ZNF236: variants seen among roughly 807,000 people sequenced by gnomAD.
ZNF236 encodes the protein regulated by glucose.
A neutral mutation model predicts 191.2 loss-of-function variants in ZNF236; 50 were observed. The observed-to-expected ratio is 0.26, with a 90% CI of 0.21 to 0.33. ZNF236 has a LOEUF of 0.33. Ranked by LOEUF, ZNF236 falls within the 10% of genes least tolerant of loss-of-function variation. The pLI, the probability that ZNF236 is intolerant of heterozygous loss-of-function variation, is 1.00. For synonymous variants in ZNF236, 907 were observed against 928.8 expected, an observed-to-expected ratio of 0.98 and a Z score of 0.43; for missense variants, 1,754 against 2,374.5, an observed-to-expected ratio of 0.74 and a Z score of 5.43.
rs750745127 is a variant in ZNF236, at chr18:76,881,419, A to G, written c.1324A>G (p.Thr442Ala). 7 of 1,614,002 alleles carry G rather than the reference A, an allele frequency of 4.3e-6. No homozygotes were observed. The African/African-American group carries it at 6.7e-5, about 15-fold the overall frequency. ...SSVSNEQTDP[T>A]DAEQEKEQES... ...CGTTTCAAATGAGCAGACGGACCCCACAGACGCAGAGCAAGAAAAAGAACA... is the reference window on the plus strand; with the variant it reads ...CGTTTCAAATGAGCAGACGGACCCCGCAGACGCAGAGCAAGAAAAAGAACA... The change falls in exon 9 of 31, where the codon ACA becomes GCA. Residue 442 changes from threonine (T) to alanine (A), a missense_variant. Physicochemically the swap from Thr to Ala is moderately conservative, Grantham distance 58. Around this residue, in one of 5 missense-constraint regions of ZNF236, gnomAD observed 126 missense variants for 110.9 expected, o/e 1.14. Transcript: ENST00000320610.
At chr18:76,851,669 G>A (rs1599331047) in intron 2 of ZNF236, 106 bp from the exon 3 acceptor site, 1 of 1,269,978 alleles carries the variant, frequency 7.9e-7, no homozygotes, top group Non-Finnish European at 1.1e-6. Flanking sequence ...AGAAGTTTCT[G>A]TAGATTGTCT....
At chr18:76,822,849 G>C (rs1316507619) in intron 1 of ZNF236, among the ~76,000 whole-genome samples, 187 bp downstream of exon 1, 1 of 146,926 alleles carries the variant, frequency 6.8e-6, no homozygotes, top group Non-Finnish European at 1.5e-5. Flanking sequence ...TGATACGGGC[G>C]AGTCGCCGCC....
chr18:76,893,844 A>C (rs1977319972), intron 9 of ZNF236, among the ~76,000 whole-genome samples: 1 of 152,234 alleles, frequency 6.6e-6, no homozygotes, highest in Admixed American at 6.5e-5. Context: ...TTATTCTTGC[A>C]AAGAATATTG....
intron 25 of ZNF236, among the ~76,000 whole-genome samples, chr18:76,934,619 CTT>C (rs764607949): frequency 6.6e-6 from 1 of 152,184 alleles, no homozygotes; most frequent in Non-Finnish European, 1.5e-5. Flanking sequence ...AGTATAATCA[CTT>C]ATTTTATTTT....
chr18:76,834,732 C>G, intron 1 of ZNF236: 1 of 441,358 alleles, frequency 2.3e-6, no homozygotes, highest in Non-Finnish European at 4.4e-6. Context: ...ACCTGAACAT[C>G]ATCCTTTCGG....
Position 76,828,354 on chromosome 18 carries a change from G to T in ZNF236, c.55+5692G>T, listed in dbSNP as rs8082749. ...GCTAATTTTTTGTATTTTTACTAGG[G>T]ATGGGGTTTTGCCATGTTGGCCAGG... On this transcript the variant is annotated intron_variant, in intron 1 of 30. Transcript: ENST00000320610. Among the ~76,000 whole-genome samples, 242 of 151,960 alleles carry T rather than the reference G, an allele frequency of 1.6e-3. 1 individual carries two copies. The highest frequency in any genetic ancestry group is 5.4e-3 in the African/African-American group (222 of 41,464).
rs375555853 is a variant in ZNF236 at position 76,937,240 on chromosome 18, C to T, written c.4679C>T (p.Ser1560Leu). The T allele has an allele frequency of 6.2e-7, 1 of 1,614,142 alleles. No homozygotes were observed. The highest frequency in any genetic ancestry group is 8.5e-7 in the Non-Finnish European group (1 of 1,180,032). ...TCGACTCAGAACCTGGTCATGTCCTCGTCGGGCGTGGGAGGTGACGCTAGT... is the reference window on the plus strand; with the variant it reads ...TCGACTCAGAACCTGGTCATGTCCTTGTCGGGCGTGGGAGGTGACGCTAGT... ...AISTQNLVMS[S>L]SGVGGDASVT... The change falls in exon 26 of 31, where the codon TCG becomes TTG. Residue 1560 changes from serine (S) to leucine (L), a missense_variant. Around this residue, in one of 5 missense-constraint regions of ZNF236, gnomAD observed 606 missense variants for 761.5 expected, o/e 0.80. Coordinates refer to ENST00000320610, the MANE Select transcript of ZNF236 (RefSeq NM_001306089.2).
chr18:76,866,486 C>T (rs1976408460), intron 3 of ZNF236, among the ~76,000 whole-genome samples: 1 of 152,202 alleles, frequency 6.6e-6, no homozygotes, highest in African/African-American at 2.4e-5. Context: ...GTCTGGTGAA[C>T]ACACGCTGCC....
In ZNF236 at chr18:76,947,562, G is replaced by C; in HGVS notation, c.4824G>C (p.Ser1608=). 6.2e-7 allele frequency: 1 copy of C among 1,613,988 alleles called. No homozygotes were observed. The highest frequency in any genetic ancestry group is 8.5e-7 in the Non-Finnish European group (1 of 1,179,974). Residue 1608 remains serine, a synonymous_variant, in exon 27 of 31, where the codon TCG becomes TCC. Coordinates refer to ENST00000320610, the MANE Select transcript of ZNF236 (RefSeq NM_001306089.2). ...FPALLTDPSL[S]GQGGAGSPQV... is the part of the protein sequence containing the mutation. Reference sequence around the variant, plus strand: ...CGCTCCTCACGGATCCCTCTCTCTCGGGCCAGGGTGGAGCAGGCTCGCCGC... The same window carrying C: ...CGCTCCTCACGGATCCCTCTCTCTCCGGCCAGGGTGGAGCAGGCTCGCCGC...
Position 76,959,717 on chromosome 18 carries a change from T to A in ZNF236, c.5143T>A (p.Ser1715Thr). 5 of 1,613,780 alleles carry A rather than the reference T, an allele frequency of 3.1e-6. No homozygotes were observed. Among genetic ancestry groups the A allele is most frequent in the Non-Finnish European group, 4.2e-6 (5 of 1,179,848 alleles). ...EHMQTHQAGP[S>T]LSSQKPRVFK... The stretch of plus-strand genomic sequence containing the variant: ...CATGCAGACACACCAGGCCGGCCCC[T>A]CTTTGAGCTCCCAGAAGCCAAGAGT... Residue 1715 changes from serine to threonine, a missense_variant, in exon 29 of 31, where the codon TCT (serine) becomes ACT (threonine). Ser to Thr is a moderately conservative substitution (Grantham distance 58). Transcript: ENST00000320610.
chr18:76,873,469 C>T (rs1976631778), intron 5 of ZNF236, among the ~76,000 whole-genome samples: 1 of 152,172 alleles, frequency 6.6e-6, no homozygotes, highest in African/African-American at 2.4e-5. Context: ...CAGCAGGTCC[C>T]AGCCCCAGGA....
chr18:76,825,698 CTTAGTT>C (rs1435536530), intron 1 of ZNF236, among the ~76,000 whole-genome samples: 6 of 152,214 alleles, frequency 3.9e-5, no homozygotes, highest in Non-Finnish European at 8.8e-5. Context: ...TTAAAAATTG[CTTAGTT>C]TTAATTTCTA....
chr18:76,962,079 C>T (rs1049263068), intron 30 of ZNF236, among the ~76,000 whole-genome samples: 2 of 152,058 alleles, frequency 1.3e-5, no homozygotes, highest in Non-Finnish European at 2.9e-5. Context: ...GTAATGAAGT[C>T]CCAGCTATTT....
rs1165631082 is a variant in ZNF236 at position 76,969,426 on chromosome 18, A to T, written c.*1087A>T. ...TCCTTTGAAATTATTTATATGTTCTATATATAAATACATATGTACATAGAT... is the reference window on the plus strand; with the variant it reads ...TCCTTTGAAATTATTTATATGTTCTTTATATAAATACATATGTACATAGAT... On this transcript the variant is annotated 3_prime_UTR_variant, in exon 31 of 31. Coordinates refer to ENST00000320610, the MANE Select transcript of ZNF236 (RefSeq NM_001306089.2). The T allele has an allele frequency of 6.6e-6, 1 of 152,598 alleles. No homozygotes were observed. The allele number at this position is 152,598 out of a possible 1,614,324, so 9.5% of individuals were successfully genotyped here.
At chr18:76,911,618 G>A (rs1967219867) in intron 16 of ZNF236, among the ~76,000 whole-genome samples, 1 of 152,198 alleles carries the variant, frequency 6.6e-6, no homozygotes, top group South Asian at 2.1e-4. Flanking sequence ...GCTGCCCAGG[G>A]GTGGATGACT....
Position 76,880,355 on chromosome 18 carries a change from C to A in ZNF236, c.1188+39C>A. Reference sequence around the variant, plus strand: ...CCCTGCGGTGTGAGGCTTACGTGCTCGTGCTGGGTCAGAAACCAGGGATGA... The same window carrying A: ...CCCTGCGGTGTGAGGCTTACGTGCTAGTGCTGGGTCAGAAACCAGGGATGA... On this transcript the variant is annotated intron_variant, in intron 8 of 30. Coordinates refer to ENST00000320610, the MANE Select transcript of ZNF236 (RefSeq NM_001306089.2). The surrounding 1 kb of genome is among the most constrained non-coding windows in gnomAD (Gnocchi z 5.0). 1.3e-6 allele frequency: 2 copies of A among 1,553,156 alleles called. No homozygotes were observed. The highest frequency in any genetic ancestry group is 2.3e-5 in the South Asian group (2 of 85,308).
Position 76,881,430 on chromosome 18 carries a change from G to A in ZNF236, c.1335G>A (p.Glu445=), listed in dbSNP as rs1437686741. The A allele has an allele frequency of 1.2e-6, 2 of 1,613,598 alleles. No individual in the cohort carries two copies. The highest frequency in any genetic ancestry group is 1.7e-6 in the Non-Finnish European group (2 of 1,179,980). ...AGCAGACGGACCCCACAGACGCAGA[G>A]CAAGAAAAAGAACAGGAAAGCCCGG... is the stretch of plus-strand genomic sequence containing the variant. ...SNEQTDPTDA[E]QEKEQESPEK... Residue 445 remains glutamate (E), a synonymous_variant, in exon 9 of 31, where the codon GAG becomes GAA. Coordinates refer to ENST00000320610, the MANE Select transcript of ZNF236 (RefSeq NM_001306089.2).
chr18:76,883,798 T>C (rs1976968727), intron 9 of ZNF236, among the ~76,000 whole-genome samples: 1 of 152,194 alleles, frequency 6.6e-6, no homozygotes, highest in Non-Finnish European at 1.5e-5. Flanking sequence ...ACTTTTAACA[T>C]AGTGATTATA....
chr18:76,883,675 G>T (rs1976964156), intron 9 of ZNF236, among the ~76,000 whole-genome samples: 1 of 152,078 alleles, frequency 6.6e-6, no homozygotes, highest in Non-Finnish European at 1.5e-5. Context: ...TGATCCTCTT[G>T]CCCCAGCCTC....
Sources: gnomAD v4.1 joint callset for allele counts (sites outside exome capture counted in the v4.1 genomes callset) on GRCh38, gnomAD v4.1.1 for gene constraint, gnomAD v4.1.1 regional missense constraint, Gnocchi (gnomAD v3.1) non-coding constraint, MANE v1.5 for transcripts, NCBI Gene and HGNC (gene_info 2026-07-23, HGNC 2026-07-21) for gene names.